Variants in PIAS2 observed in about 807,000 individuals in gnomAD.
PIAS2 encodes the protein E3 SUMO-protein ligase PIAS2.
A neutral mutation model predicts 69.7 loss-of-function variants in PIAS2; 19 were observed. That is an observed-to-expected ratio of 0.27 (90% CI 0.19 to 0.40). The LOEUF is 0.40. Ranked by LOEUF, PIAS2 falls within the 10% of genes least tolerant of loss-of-function variation. The probability of loss-of-function intolerance (pLI) is 1.00; values close to 1 mark genes in which losing one functional copy is unlikely to be tolerated. For missense variants in PIAS2, 624 were observed against 757.0 expected (o/e 0.82, Z 2.06); for synonymous variants, 261 against 263.2 (o/e 0.99, Z 0.08).
rs1012163238 is a variant in PIAS2 at position 46,804,805 on chromosome 18, C to A, written c.*7628G>T. 2 of 152,184 alleles carry A rather than the reference C, an allele frequency of 1.3e-5. No homozygotes were observed. The highest frequency in any genetic ancestry group is 2.9e-5 in the Non-Finnish European group (2 of 68,038). The allele number at this position is 152,184 out of a possible 1,614,324, so 9.4% of individuals were successfully genotyped here. A position where few individuals can be genotyped will look rare whatever the true frequency, so the allele number is the denominator to read the frequency against. On this transcript the variant is annotated 3_prime_UTR_variant, in exon 14 of 14. Coordinates refer to ENST00000585916, the MANE Select transcript of PIAS2 (RefSeq NM_004671.5). ...CAACTTTGGTGGGGGCAGGATCCTG[C>A]CTTGTGTTCCAAGTGCCTGATACAA...
At chr18:46,819,598 C>T (rs1031325355) in intron 12 of PIAS2, among the ~76,000 whole-genome samples, 24 of 151,982 alleles carry the variant, frequency 1.6e-4, no homozygotes, top group Admixed American at 6.6e-5. Context: ...CTTTCACCAA[C>T]AGGATAAGCA....
intron 1 of PIAS2, chr18:46,906,010 T>C (rs1870864183): frequency 6.6e-6 from 1 of 152,164 alleles, no homozygotes; most frequent in Non-Finnish European, 1.5e-5. Flanking sequence ...GTTGAATTTA[T>C]ACTTGCAACA....
chr18:46,827,649 C>T, intron 11 of PIAS2: 1 of 231,468 alleles, frequency 4.3e-6, no homozygotes, highest in Non-Finnish European at 8.5e-6. Context: ...TTCCACACTC[C>T]ATTACACCAG....
intron 2 of PIAS2, among the ~76,000 whole-genome samples, chr18:46,869,071 T>C (rs1340832116): frequency 6.6e-6 from 1 of 152,238 alleles, no homozygotes; most frequent in Non-Finnish European, 1.5e-5. Context: ...GAATGAGATG[T>C]ACAATTAAGC....
At chr18:46,855,975 AAG>A (rs2047684323) in intron 3 of PIAS2, among the ~76,000 whole-genome samples, 1 of 149,154 alleles carries the variant, frequency 6.7e-6, no homozygotes, top group South Asian at 2.1e-4. Context: ...TAATCACTTG[AAG>A]ACTTTTTTCT....
In PIAS2 at chr18:46,812,526, GC is replaced by G. The variant is rs776058390; in HGVS notation, c.1772del (p.Ser591ThrfsTer17). 2 of 1,612,582 alleles carry G rather than the reference GC, an allele frequency of 1.2e-6. No homozygotes were observed. Among genetic ancestry groups the G allele is most frequent in the South Asian group, 2.2e-5 (2 of 91,042 alleles). The part of the protein sequence containing the change: ...TSVTTTSSHE[S>X]STHVSSSSSR... Reference sequence around the variant, plus strand: ...TGCTGGATGAACTAACATGAGTACTGCTTTCATGGGAGCTGGTGGTGGTGAC... The same window carrying G: ...TGCTGGATGAACTAACATGAGTACTGTTTCATGGGAGCTGGTGGTGGTGAC... On this transcript the variant is annotated frameshift_variant, in exon 14 of 14. Transcript: ENST00000585916. LOFTEE classifies it high-confidence loss of function.
intron 2 of PIAS2, among the ~76,000 whole-genome samples, chr18:46,871,956 G>T (rs148078925): frequency 6.6e-6 from 1 of 152,166 alleles, no homozygotes; most frequent in African/African-American, 2.4e-5. Context: ...ATGTATGGGC[G>T]AGAGAAGGAA....
chr18:46,819,458 A>G (rs758032196), intron 12 of PIAS2, among the ~76,000 whole-genome samples: 7 of 152,142 alleles, frequency 4.6e-5, no homozygotes, highest in Admixed American at 1.3e-4. Context: ...AATAACTTTA[A>G]AAGCCATTTT....
intron 11 of PIAS2, chr18:46,827,192 A>G (rs1344692393): frequency 6.6e-6 from 1 of 152,194 alleles, no homozygotes; most frequent in African/African-American, 2.4e-5. Flanking sequence ...TAGCAAACCC[A>G]AGTTTGAAAG....
At chr18:46,828,493 G>C (rs767802541) in intron 10 of PIAS2, among the ~76,000 whole-genome samples, 1 of 152,188 alleles carries the variant, frequency 6.6e-6, no homozygotes, top group Admixed American at 6.5e-5. Context: ...TAGGGAACTG[G>C]TCTCAGGTCA....
At chr18:46,899,401 G>T (rs1433087475) in intron 1 of PIAS2, among the ~76,000 whole-genome samples, 1 of 152,180 alleles carries the variant, frequency 6.6e-6, no homozygotes, top group Non-Finnish European at 1.5e-5. Context: ...ACAAAGGCAG[G>T]CCTAACACAC....
At chr18:46,876,303 G>A (rs748938824) in intron 2 of PIAS2, among the ~76,000 whole-genome samples, 8 of 152,180 alleles carry the variant, frequency 5.3e-5, no homozygotes, top group African/African-American at 7.2e-5. Context: ...CTGGAGTCCC[G>A]AGAGGAGTGC....
intron 9 of PIAS2, among the ~76,000 whole-genome samples, chr18:46,832,001 A>G (rs1568412450): frequency 6.6e-6 from 1 of 152,240 alleles, no homozygotes; most frequent in Admixed American, 6.5e-5. Flanking sequence ...ATACACTGTT[A>G]AAAGACTGAA....
chr18:46,858,223 A>G (rs80241183), intron 3 of PIAS2, among the ~76,000 whole-genome samples: 1 of 36,196 alleles, frequency 2.8e-5, no homozygotes, highest in African/African-American at 1.0e-4. Context: ...AGATAAGATT[A>G]AAAAAAAAAA....
In PIAS2 at chr18:46,836,346, G is replaced by A; in HGVS notation, c.1202+11C>T. The stretch of plus-strand genomic sequence containing the variant: ...TTAGTCCATATCAGCTGTTAAAAGG[G>A]ATATACTTACCCATCTAATATTAGA... On this transcript the variant is annotated intron_variant, in intron 9 of 13. Coordinates refer to ENST00000585916, the MANE Select transcript of PIAS2 (RefSeq NM_004671.5). 6.2e-7 allele frequency: 1 copy of A among 1,610,510 alleles called. No homozygotes were observed. Among genetic ancestry groups the A allele is most frequent in the Non-Finnish European group, 8.5e-7 (1 of 1,176,846 alleles).
intron 3 of PIAS2, among the ~76,000 whole-genome samples, chr18:46,857,053 T>C (rs528081815): frequency 2.0e-5 from 3 of 152,354 alleles, no homozygotes; most frequent in African/African-American, 7.2e-5. Flanking sequence ...ACAACACATG[T>C]CAAGTGCCTA....
intron 1 of PIAS2, among the ~76,000 whole-genome samples, chr18:46,901,527 A>G (rs1338140763): frequency 6.6e-6 from 1 of 152,204 alleles, no homozygotes; most frequent in Non-Finnish European, 1.5e-5. Flanking sequence ...CATGGTCATT[A>G]TGCACCATGA....
chr18:46,902,815 T>A (rs1393377645), intron 1 of PIAS2, among the ~76,000 whole-genome samples: 3 of 152,312 alleles, frequency 2.0e-5, no homozygotes, highest in East Asian at 1.9e-4. Context: ...TATCCCATTT[T>A]ACAACTTAGC....
At chr18:46,850,843 A>G (rs2046862134) in intron 5 of PIAS2, among the ~76,000 whole-genome samples, 1 of 152,222 alleles carries the variant, frequency 6.6e-6, no homozygotes, top group Non-Finnish European at 1.5e-5. Flanking sequence ...TTCCATAAAG[A>G]GCTTGACCAC....
Sources: gnomAD v4.1 joint callset for allele counts (sites outside exome capture counted in the v4.1 genomes callset) on GRCh38, gnomAD v4.1.1 for gene constraint, MANE v1.5 for transcripts, NCBI Gene and HGNC (gene_info 2026-07-23, HGNC 2026-07-21) for gene names.